Variants in PAPPA observed in about 807,000 individuals in gnomAD.
PAPPA encodes the protein pappalysin 1.
In PAPPA, 60 loss-of-function variants were observed where a neutral mutation model predicts 164.0. The ratio of observed to expected loss-of-function variants is 0.37; its 90% confidence interval spans 0.30 to 0.45. PAPPA has a LOEUF of 0.45. Among genes scored for constraint, PAPPA ranks in the 20% least tolerant of loss-of-function variants. PAPPA has a pLI of 1.00. For missense variants in PAPPA, 1,782 were observed against 2,087.3 expected, an observed-to-expected ratio of 0.85 and a Z score of 2.85; for synonymous variants, 875 against 814.1, an observed-to-expected ratio of 1.07 and a Z score of -1.27.
rs747868468 is a variant in PAPPA, at chr9:116,187,232, A to G, written c.494A>G (p.Asn165Ser). Residue 165 changes from asparagine (N) to serine (S), a missense_variant, in exon 2 of 22, where the codon AAC becomes AGC. Physicochemically the swap from Asn to Ser is conservative, Grantham distance 46. This residue lies in a region of PAPPA where 458 missense variants were observed against 430.3 expected (regional missense o/e 1.06). Transcript: ENST00000328252. This position sits in a 1 kb window ranked among gnomAD's most constrained non-coding sequence, Gnocchi z 4.2. ...ATTCACACCATCAGTGACCAAGACA[A>G]CAAAGACCCACGCTACTTTTTCTCC... ...VGIHTISDQD[N>S]KDPRYFFSLK... 3.2e-5 allele frequency: 52 copies of G among 1,614,058 alleles called. 1 individual carries two copies. The Admixed American group carries it at 8.2e-4, about 25-fold the overall frequency.
intron 8 of PAPPA, among the ~76,000 whole-genome samples, chr9:116,270,632 T>G (rs547935520): frequency 6.6e-6 from 1 of 152,276 alleles, no homozygotes; most frequent in South Asian, 2.1e-4. Flanking sequence ...CTAAGCCCAA[T>G]TCAAAGATCA....
At chr9:116,270,467 A>G (rs1016370978) in intron 8 of PAPPA, among the ~76,000 whole-genome samples, 1 of 152,274 alleles carries the variant, frequency 6.6e-6, no homozygotes, top group Admixed American at 6.5e-5. Context: ...TCACAGAAAT[A>G]TCAGATCAAG....
At chr9:116,315,972 T>G (rs1845783231) in intron 10 of PAPPA, among the ~76,000 whole-genome samples, 1 of 152,152 alleles carries the variant, frequency 6.6e-6, no homozygotes, top group Admixed American at 6.5e-5. Context: ...TCAACCACTG[T>G]ATGAGGTAAC....
chr9:116,161,006 TG>T (rs1477686688), intron 1 of PAPPA, among the ~76,000 whole-genome samples: 1 of 152,162 alleles, frequency 6.6e-6, no homozygotes, highest in Non-Finnish European at 1.5e-5. Context: ...CCCCATCTCA[TG>T]GGCTGTCATG....
At chr9:116,394,945 CTGCCTTA>C (rs1846942988) in intron 21 of PAPPA, among the ~76,000 whole-genome samples, 1 of 152,156 alleles carries the variant, frequency 6.6e-6, no homozygotes, top group South Asian at 2.1e-4. Flanking sequence ...GACCTGGTCC[CTGCCTTA>C]TGGGCCACAG....
intron 7 of PAPPA, among the ~76,000 whole-genome samples, chr9:116,260,761 A>G (rs981308680): frequency 2.0e-4 from 31 of 152,194 alleles, no homozygotes; most frequent in African/African-American, 6.0e-4. Flanking sequence ...AAATGGGTGG[A>G]CAGAAAGAGG....
chr9:116,265,846 G>A lies in PAPPA; in HGVS notation c.2733-11G>A, dbSNP rs781057556. 3 of 1,585,574 alleles carry A rather than the reference G, an allele frequency of 1.9e-6. No individual in the cohort carries two copies. The highest frequency in any genetic ancestry group is 1.3e-5 in the African/African-American group (1 of 74,356). On this transcript the variant is annotated splice_polypyrimidine_tract_variant and intron_variant, in intron 7 of 21. Coordinates refer to ENST00000328252, the MANE Select transcript of PAPPA (RefSeq NM_002581.5). The stretch of plus-strand genomic sequence containing the variant: ...GTAATTGTATAATTATGTCTTCTTT[G>A]TATTTTCCAGGGATCTAAATCTTGG...
At chr9:116,282,176 G>A (rs1485375947) in intron 9 of PAPPA, among the ~76,000 whole-genome samples, 1 of 152,162 alleles carries the variant, frequency 6.6e-6, no homozygotes, top group Non-Finnish European at 1.5e-5. Context: ...AAATGGAGTA[G>A]TATTTGCATG....
chr9:116,249,873 G>C (rs563189114), intron 7 of PAPPA, among the ~76,000 whole-genome samples: 2 of 152,194 alleles, frequency 1.3e-5, no homozygotes, highest in South Asian at 2.1e-4. Context: ...CTGTGAATCA[G>C]AGGCAGGCAT....
chr9:116,352,634 C>T (rs1018674230), intron 15 of PAPPA, 72 bp from the exon 16 acceptor site: 39 of 1,222,652 alleles, frequency 3.2e-5, no homozygotes, highest in Non-Finnish European at 4.7e-5. Context: ...AGCTAAAATC[C>T]AAGTAGCTAT....
chr9:116,333,365 A>G (rs796751237), intron 12 of PAPPA, among the ~76,000 whole-genome samples: 51 of 152,108 alleles, frequency 3.4e-4, no homozygotes, highest in African/African-American at 1.2e-3. Context: ...AAGAATTCCT[A>G]TTGTCGCTAA....
intron 21 of PAPPA, among the ~76,000 whole-genome samples, chr9:116,384,163 CG>C (rs1416243690): frequency 1.5e-4 from 23 of 151,938 alleles, no homozygotes; most frequent in African/African-American, 5.5e-4. Flanking sequence ...CAGTGGCTCA[CG>C]GTTGTAACTC....
At chr9:116,327,238 A>G (rs953567054) in intron 10 of PAPPA, among the ~76,000 whole-genome samples, 1 of 152,212 alleles carries the variant, frequency 6.6e-6, no homozygotes, top group Non-Finnish European at 1.5e-5. Flanking sequence ...GAGGGGAAAA[A>G]GGGTTACTGT....
At position 116,396,989 on chromosome 9, in the gene PAPPA, T is replaced by C. The variant is rs186476133; in HGVS notation, c.*373T>C. ...GCATACACACCCATACAAACATCTG[T>C]GTGAGGGCAGTTCTGGAGATGAGCA... On this transcript the variant is annotated 3_prime_UTR_variant, in exon 22 of 22. Transcript: ENST00000328252. The C allele has an allele frequency of 3.2e-5, 6 of 188,198 alleles. No individual in the cohort carries two copies. The highest frequency in any genetic ancestry group is 1.7e-4 in the South Asian group (1 of 5,880). 11.7% of individuals were successfully genotyped at this position (188,198 alleles called of 1,614,324 possible). A position where few individuals can be genotyped will look rare whatever the true frequency, so the allele number is the denominator to read the frequency against.
chr9:116,231,041 T>C (rs1844584705), intron 6 of PAPPA, among the ~76,000 whole-genome samples: 1 of 151,048 alleles, frequency 6.6e-6, no homozygotes, highest in Non-Finnish European at 1.5e-5. Flanking sequence ...TGGCACCAAG[T>C]TTTTATAACT....
At chr9:116,327,253 C>G (rs1438697000) in intron 10 of PAPPA, among the ~76,000 whole-genome samples, 1 of 152,220 alleles carries the variant, frequency 6.6e-6, no homozygotes, top group Non-Finnish European at 1.5e-5. Context: ...TACTGTGTTA[C>G]TTCCTGACAT....
At chr9:116,189,277 T>C (rs1022238766) in intron 2 of PAPPA, among the ~76,000 whole-genome samples, 2 of 152,216 alleles carry the variant, frequency 1.3e-5, no homozygotes, top group Non-Finnish European at 2.9e-5. Context: ...TTAAATACTT[T>C]TGGCACAAAA....
intron 5 of PAPPA, among the ~76,000 whole-genome samples, chr9:116,225,611 G>C (rs384960): frequency 0.46 from 70,515 of 151,928 alleles, 17,015 homozygotes; most frequent in East Asian, 0.73. Context: ...TAACTGCTTG[G>C]CATTCCATTA....
rs1328971358 is a variant in PAPPA, at chr9:116,238,981, A to C, written c.2732+3344A>C. Among the ~76,000 whole-genome samples the C allele has an allele frequency of 2.6e-5, 4 of 152,196 alleles. No individual in the cohort carries two copies. In the South Asian group the frequency reaches 6.2e-4, roughly 24 times the overall value. ...TATCAAATAAATTGGCTCTTATACA[A>C]GTTCTATATAAAGACTGTTTTGGAG... On this transcript the variant is annotated intron_variant, in intron 7 of 21. Transcript: ENST00000328252.
Sources: allele counts gnomAD v4.1 joint callset (sites outside exome capture counted in the v4.1 genomes callset), GRCh38; gene constraint gnomAD v4.1.1; regional missense constraint gnomAD v4.1.1; non-coding constraint Gnocchi (gnomAD v3.1); transcripts MANE v1.5; gene names NCBI Gene and HGNC (gene_info 2026-07-23, HGNC 2026-07-21).